The following GRM8 variants were observed in gnomAD, a reference collection of about 807,000 sequenced individuals.
GRM8 encodes the protein metabotropic glutamate receptor 8.
In GRM8, 47 loss-of-function variants were observed where a neutral mutation model predicts 87.2. The ratio of observed to expected loss-of-function variants is 0.54; its 90% CI spans 0.43 to 0.69. The LOEUF (loss-of-function observed/expected upper bound fraction) is 0.69. GRM8 is among the 30% of genes least tolerant of loss of function. The pLI is 0.00. For synonymous variants in GRM8, 396 were observed against 404.5 expected (o/e 0.98, Z 0.25); for missense variants, 1,019 against 1,139.2 (o/e 0.89, Z 1.52).
At chr7:126,950,309 T>C (rs1333723091) in intron 3 of GRM8, among the ~76,000 whole-genome samples, 3 of 152,134 alleles carry the variant, frequency 2.0e-5, no homozygotes, top group Non-Finnish European at 4.4e-5. Flanking sequence ...ACAATAAAAA[T>C]TGAGATGAAT....
At chr7:126,453,051 T>G (rs1269671423) in intron 9 of GRM8, among the ~76,000 whole-genome samples, 3 of 148,460 alleles carry the variant, frequency 2.0e-5, no homozygotes, top group Admixed American at 6.9e-5. Flanking sequence ...GCTTCAAGAC[T>G]TTTAGCCTTT....
chr7:127,082,406 G>A (rs1563488365), intron 3 of GRM8, among the ~76,000 whole-genome samples: 1 of 152,052 alleles, frequency 6.6e-6, no homozygotes, highest in Non-Finnish European at 1.5e-5. Flanking sequence ...GTCTTTCCTT[G>A]TAACTCACTC....
chr7:126,441,364 G>T (rs562484642), intron 10 of GRM8, among the ~76,000 whole-genome samples: 1 of 152,162 alleles, frequency 6.6e-6, no homozygotes, highest in Non-Finnish European at 1.5e-5. Flanking sequence ...ACTCATTATT[G>T]TAAGGCCATT....
chr7:126,925,404 C>T (rs975252600), intron 3 of GRM8, among the ~76,000 whole-genome samples: 1 of 152,170 alleles, frequency 6.6e-6, no homozygotes, highest in South Asian at 2.1e-4. Context: ...AGGATAATAA[C>T]AAGCAATCTG....
chr7:126,684,138 GA>G (rs969866850), intron 7 of GRM8, among the ~76,000 whole-genome samples: 2 of 151,900 alleles, frequency 1.3e-5, no homozygotes, highest in African/African-American at 2.4e-5. Flanking sequence ...ACGTGAGAAA[GA>G]AAAAAAATCA....
At chr7:126,844,645 T>C (rs1036459154) in intron 6 of GRM8, among the ~76,000 whole-genome samples, 11 of 152,182 alleles carry the variant, frequency 7.2e-5, no homozygotes, top group African/African-American at 2.7e-4. Context: ...CTAACAGTTT[T>C]GGAGGCTTGA....
chr7:127,114,549 T>C (rs1356659087), intron 2 of GRM8, among the ~76,000 whole-genome samples: 2 of 152,082 alleles, frequency 1.3e-5, no homozygotes, highest in African/African-American at 2.4e-5. Context: ...AATCTTCCTC[T>C]CACAAACACA....
At chr7:127,006,776 T>C (rs1265419037) in intron 3 of GRM8, among the ~76,000 whole-genome samples, 1 of 152,034 alleles carries the variant, frequency 6.6e-6, no homozygotes, top group Non-Finnish European at 1.5e-5. Context: ...CTCTTCTTTA[T>C]ACTTAGTTCT....
chr7:126,787,396 A>T (rs1820732318), intron 6 of GRM8, among the ~76,000 whole-genome samples: 1 of 152,230 alleles, frequency 6.6e-6, no homozygotes, highest in African/African-American at 2.4e-5. Context: ...TTTTGTTATC[A>T]AAGTAGCAAA....
At chr7:126,852,055 G>A (rs769146209) in intron 6 of GRM8, among the ~76,000 whole-genome samples, 1 of 152,120 alleles carries the variant, frequency 6.6e-6, no homozygotes, top group African/African-American at 2.4e-5. Context: ...ATCTCCACTG[G>A]CTGGAGGGGT....
rs760758747 is a variant in GRM8, at chr7:127,243,116, C to A, written c.89G>T (p.Arg30Ile). The stretch of plus-strand genomic sequence containing the variant: ...ATGGGCATACTCCTGGCTGTGAGTT[C>A]TTTGCATCATTGTGAGGATCCAGTA... ...KFYWILTMMQ[R>I]THSQEYAHSI... Residue 30 changes from arginine to isoleucine, a missense_variant, in exon 2 of 11, where the codon AGA becomes ATA. Arg to Ile is a moderately conservative substitution (Grantham distance 97). Coordinates refer to ENST00000339582, the MANE Select transcript of GRM8 (RefSeq NM_000845.3). 8 of 1,614,052 alleles carry A rather than the reference C, an allele frequency of 5.0e-6. No homozygotes were observed. Among genetic ancestry groups the A allele is most frequent in the East Asian group, 2.2e-5 (1 of 44,874 alleles).
intron 2 of GRM8, among the ~76,000 whole-genome samples, chr7:127,172,061 A>G (rs1422097401): frequency 6.6e-6 from 1 of 152,162 alleles, no homozygotes; most frequent in Admixed American, 6.6e-5. Context: ...ATCATTCCAC[A>G]TGATTAATGG....
At chr7:126,764,534 T>G (rs949004316) in intron 7 of GRM8, among the ~76,000 whole-genome samples, 1 of 152,102 alleles carries the variant, frequency 6.6e-6, no homozygotes, top group Non-Finnish European at 1.5e-5. Flanking sequence ...GACTATAGTG[T>G]TCAGAGACTC....
intron 8 of GRM8, among the ~76,000 whole-genome samples, chr7:126,602,790 G>A (rs552595290): frequency 7.2e-4 from 108 of 150,272 alleles, no homozygotes; most frequent in African/African-American, 2.4e-3. Flanking sequence ...ATTCACAGCT[G>A]AATTCTACCA....
chr7:126,533,196 C>A lies in GRM8; in HGVS notation c.2186G>T (p.Arg729Leu). 6.2e-7 allele frequency: 1 copy of A among 1,612,400 alleles called. No homozygotes were observed. The highest frequency in any genetic ancestry group is 8.5e-7 in the Non-Finnish European group (1 of 1,179,478). Residue 729 changes from arginine (R) to leucine (L), a missense_variant, in exon 9 of 11, where the codon CGG becomes CTG. Transcript: ENST00000339582. Reference sequence around the variant, plus strand: ...CCTGGCCTTCTCTGGATCTAGTGTCCGCTGCTCTCCATAGTCAATGATGAT... The same window carrying A: ...CCTGGCCTTCTCTGGATCTAGTGTCAGCTGCTCTCCATAGTCAATGATGAT... ...PHIIIDYGEQ[R>L]TLDPEKARGV...
intron 3 of GRM8, 23 bp downstream of exon 3, chr7:127,106,473 T>C: frequency 8.9e-6 from 14 of 1,579,542 alleles, no homozygotes; most frequent in Non-Finnish European, 1.2e-5. Flanking sequence ...CCAAATACAA[T>C]CATCTGATAA....
At chr7:126,947,095 C>G (rs1807620602) in intron 3 of GRM8, among the ~76,000 whole-genome samples, 1 of 152,176 alleles carries the variant, frequency 6.6e-6, no homozygotes, top group African/African-American at 2.4e-5. Context: ...CATGGTGTGT[C>G]ATGTCAAGTA....
chr7:126,532,812 T>C lies in GRM8; in HGVS notation c.2430+140A>G, dbSNP rs1815063139. ...ATATATATATATATATATATATATA[T>C]ATATGCATGCTAAGTAAGAATAGCA... On this transcript the variant is annotated intron_variant, in intron 9 of 10. Transcript: ENST00000339582. 2 of 189,612 alleles carry C rather than the reference T, an allele frequency of 1.1e-5. 1 individual carries two copies. The highest frequency in any genetic ancestry group is 7.3e-5 in the African/African-American group (2 of 27,506). The allele number at this position is 189,612 out of a possible 1,614,324, so 11.7% of individuals were successfully genotyped here.
chr7:127,174,282 T>C (rs575012762), intron 2 of GRM8, among the ~76,000 whole-genome samples: 9 of 152,244 alleles, frequency 5.9e-5, no homozygotes, highest in African/African-American at 2.2e-4. Flanking sequence ...ATGGCAGCCA[T>C]GCTAGGAAGT....
Sources: allele counts gnomAD v4.1 joint callset (sites outside exome capture counted in the v4.1 genomes callset), GRCh38; gene constraint gnomAD v4.1.1; transcripts MANE v1.5; gene names NCBI Gene and HGNC (gene_info 2026-07-23, HGNC 2026-07-21).